KCNAB2: variants seen among roughly 807,000 people sequenced by gnomAD.
KCNAB2 encodes potassium voltage-gated channel subfamily A regulatory beta subunit 2, also known as voltage-gated potassium channel subunit beta-2.
KCNAB2 carries 29 observed loss-of-function variants against 63.6 expected under a neutral mutation model. The observed-to-expected ratio is 0.46, with a 90% CI of 0.34 to 0.62. The LOEUF is 0.62. Ranked by LOEUF, KCNAB2 falls within the 20% of genes least tolerant of loss-of-function variation. KCNAB2 has a pLI of 0.01. For synonymous variants in KCNAB2, 222 were observed against 224.2 expected (o/e 0.99, Z 0.09); for missense variants, 359 against 563.9 (o/e 0.64, Z 3.68).
intron 1 of KCNAB2, among the ~76,000 whole-genome samples, chr1:6,037,110 A>G (rs749202847): frequency 1.3e-5 from 2 of 152,214 alleles, no homozygotes; most frequent in Non-Finnish European, 2.9e-5. Context: ...TCTTCAAAGC[A>G]TGGTCCCTGG....
chr1:5,997,567 A>G (rs1343540524), intron 1 of KCNAB2, among the ~76,000 whole-genome samples: 3 of 152,106 alleles, frequency 2.0e-5, no homozygotes, highest in African/African-American at 7.2e-5. Context: ...CCCCTCCTTC[A>G]CCATGAATGT....
Position 6,098,731 on chromosome 1 carries a change from A to G in KCNAB2, c.*157A>G. 2 of 924,964 alleles carry G rather than the reference A, an allele frequency of 2.2e-6. No homozygotes were observed. Among genetic ancestry groups the G allele is most frequent in the South Asian group, 3.4e-5 (2 of 58,662 alleles). 57.3% of individuals were successfully genotyped at this position (924,964 alleles called of 1,614,324 possible). A position where few individuals can be genotyped will look rare whatever the true frequency, so the allele number is the denominator to read the frequency against. On this transcript the variant is annotated 3_prime_UTR_variant, in exon 16 of 16. Coordinates refer to ENST00000378083, the MANE Select transcript of KCNAB2 (RefSeq NM_001199862.2). ...GGAAATGATCTCCCAAGTCGCTGCC[A>G]GACACCACCCACTGCTTCGCCGGAC...
chr1:6,016,717 A>G (rs898356078), intron 1 of KCNAB2, among the ~76,000 whole-genome samples: 1 of 152,168 alleles, frequency 6.6e-6, no homozygotes, highest in African/African-American at 2.4e-5. Context: ...CAGTGACGCT[A>G]TGGAGCATGG....
At chr1:6,059,691 A>T (rs989482467) in intron 2 of KCNAB2, among the ~76,000 whole-genome samples, 2 of 152,112 alleles carry the variant, frequency 1.3e-5, no homozygotes, top group Non-Finnish European at 2.9e-5. Flanking sequence ...TTGGGGCTGG[A>T]GAGTTGCATG....
intron 2 of KCNAB2, among the ~76,000 whole-genome samples, chr1:6,068,742 G>C (rs1662957440): frequency 6.6e-6 from 1 of 152,174 alleles, no homozygotes. Context: ...CAAGAGGGGG[G>C]CAGCAGGGAC....
chr1:6,059,507 G>A (rs141069270), intron 2 of KCNAB2, among the ~76,000 whole-genome samples: 4 of 152,232 alleles, frequency 2.6e-5, no homozygotes, highest in African/African-American at 4.8e-5. Flanking sequence ...TTACACTACC[G>A]ATCCCCAGGC....
intron 1 of KCNAB2, among the ~76,000 whole-genome samples, chr1:6,019,053 A>T (rs1345773969): frequency 6.6e-6 from 1 of 152,204 alleles, no homozygotes; most frequent in Non-Finnish European, 1.5e-5. Context: ...GCACTATGGG[A>T]GGCTGAGGCA....
At chr1:6,005,430 T>TGAC (rs1557922568) in intron 1 of KCNAB2, among the ~76,000 whole-genome samples, 152 of 1,810 alleles carry the variant, frequency 0.084, 29 homozygotes, top group African/African-American at 0.16. Context: ...AGTTGTGGGT[T>TGAC]GTGTGAGCTG....
chr1:6,085,928 G>T, intron 6 of KCNAB2: 1 of 985,448 alleles, frequency 1.0e-6, no homozygotes, highest in Middle Eastern at 5.2e-4. Context: ...ACCGGGGAGC[G>T]GTCCCCGGGT....
rs939529657 is a variant in KCNAB2, at chr1:6,003,067, G to A, written c.-53+10279G>A. Reference sequence around the variant, plus strand: ...GAGCTAGAACATGACCGCAGCAGACGCCTGATCCTGCGCCCCAGGCGACCC... The same window carrying A: ...GAGCTAGAACATGACCGCAGCAGACACCTGATCCTGCGCCCCAGGCGACCC... On this transcript the variant is annotated intron_variant, in intron 1 of 16. Coordinates refer to the KCNAB2 transcript ENST00000341524. The surrounding 1 kb of genome is among the most constrained non-coding windows in gnomAD (Gnocchi z 4.1). Among the ~76,000 whole-genome samples, 2 of 152,220 alleles carry A rather than the reference G, an allele frequency of 1.3e-5. No individual in the cohort carries two copies. Among genetic ancestry groups the A allele is most frequent in the African/African-American group, 2.4e-5 (1 of 41,454 alleles).
chr1:6,051,867 G>A (rs1557455644), intron 2 of KCNAB2, 113 bp downstream of exon 2: 4 of 1,237,500 alleles, frequency 3.2e-6, no homozygotes, highest in Non-Finnish European at 4.4e-6. Context: ...ACTTGGGGAG[G>A]CAGAGGCGGG....
intron 1 of KCNAB2, among the ~76,000 whole-genome samples, chr1:6,001,909 G>A (rs1210502769): frequency 2.6e-5 from 4 of 152,116 alleles, no homozygotes; most frequent in South Asian, 2.1e-4. Flanking sequence ...TGACAGAGCC[G>A]GGATCATGGT....
intron 1 of KCNAB2, among the ~76,000 whole-genome samples, chr1:6,039,447 G>C (rs1245514910): frequency 1.3e-5 from 2 of 152,206 alleles, no homozygotes; most frequent in African/African-American, 4.8e-5. Flanking sequence ...TCAGGTGAAA[G>C]ACAGCAGTGG....
Position 6,003,111 on chromosome 1 carries a change from C to T in KCNAB2, c.-53+10323C>T, listed in dbSNP as rs1019068492. Among the ~76,000 whole-genome samples, 10 of 152,214 alleles carry T rather than the reference C, an allele frequency of 6.6e-5. No individual in the cohort carries two copies. In the South Asian group the frequency reaches 1.2e-3, roughly 19 times the overall value. On this transcript the variant is annotated intron_variant, in intron 1 of 16. Transcript: ENST00000341524. The surrounding 1 kb of genome is among the most constrained non-coding windows in gnomAD (Gnocchi z 4.1). ...GCGACCCGTTCACGGGGCGGGCGCT[C>T]GCCCTTGGCCTCGCTCCTGAGCCAC...
At chr1:6,090,646 G>A (rs1359224543) in intron 9 of KCNAB2, among the ~76,000 whole-genome samples, 171 bp downstream of exon 9, 1 of 152,126 alleles carries the variant, frequency 6.6e-6, no homozygotes, top group Non-Finnish European at 1.5e-5. Context: ...TCAGTAGGGG[G>A]TGAACTCAGC....
intron 2 of KCNAB2, among the ~76,000 whole-genome samples, chr1:6,064,521 C>T (rs1259560949): frequency 1.3e-5 from 2 of 152,182 alleles, no homozygotes; most frequent in African/African-American, 4.8e-5. Context: ...CTGCTGGTCA[C>T]ACCCTATAAA....
chr1:6,030,774 ATATG>A (rs1324086280), upstream of KCNAB2, among the ~76,000 whole-genome samples: 3 of 142,314 alleles, frequency 2.1e-5, no homozygotes, highest in Non-Finnish European at 3.1e-5. Context: ...GTGTGTGTAG[ATATG>A]TGTGTGTATG....
Position 6,066,107 on chromosome 1 carries a change from C to T in KCNAB2, c.219-6648C>T, listed in dbSNP as rs551444302. On this transcript the variant is annotated intron_variant, in intron 2 of 15. Transcript: ENST00000378083. ...TTGCTCGGAGCACAGCCTCAAGGGCCGGGGCCCTGAGGATCGGCTGGGCCG... is the reference window on the plus strand; with the variant it reads ...TTGCTCGGAGCACAGCCTCAAGGGCTGGGGCCCTGAGGATCGGCTGGGCCG... Among the ~76,000 whole-genome samples the T allele has an allele frequency of 3.3e-5, 5 of 152,324 alleles. No individual in the cohort carries two copies. In the East Asian group the frequency reaches 5.8e-4, roughly 18 times the overall value.
chr1:6,040,245 G>A (rs907899348), intron 1 of KCNAB2, among the ~76,000 whole-genome samples: 3 of 152,190 alleles, frequency 2.0e-5, no homozygotes, highest in Admixed American at 6.5e-5. Context: ...GGACCTCCAC[G>A]ACATATAAGG....
Sources: gnomAD v4.1 joint callset for allele counts (sites outside exome capture counted in the v4.1 genomes callset) on GRCh38, gnomAD v4.1.1 for gene constraint, Gnocchi (gnomAD v3.1) non-coding constraint, MANE v1.5 for transcripts, NCBI Gene and HGNC (gene_info 2026-07-23, HGNC 2026-07-21) for gene names.